ERG: variants seen among roughly 807,000 people sequenced by gnomAD.
The protein encoded by ERG is ETS transcription factor ERG.
A neutral mutation model predicts 55.3 loss-of-function variants in ERG; 9 were observed. The ratio of observed to expected loss-of-function variants is 0.16; its 90% confidence interval spans 0.10 to 0.28. The LOEUF (loss-of-function observed/expected upper bound fraction) is 0.28. Among genes scored for constraint, ERG ranks in the 10% least tolerant of loss-of-function variants. The pLI is 1.00. For missense variants in ERG, 434 were observed against 631.6 expected, an observed-to-expected ratio of 0.69 and a Z score of 3.35; for synonymous variants, 223 against 237.3, an observed-to-expected ratio of 0.94 and a Z score of 0.55.
chr21:38,632,171 C>T (rs2060360641), intron 1 of ERG, among the ~76,000 whole-genome samples: 1 of 151,968 alleles, frequency 6.6e-6, no homozygotes, highest in Admixed American at 6.6e-5. Context: ...TTTGGATAAG[C>T]TGACTAACCT....
At chr21:38,375,295 C>T (rs1375881684), downstream of ERG, among the ~76,000 whole-genome samples, 1 of 152,148 alleles carries the variant, frequency 6.6e-6, no homozygotes, top group African/African-American at 2.4e-5. Flanking sequence ...AACCCGACCT[C>T]TATGTTATGA....
chr21:38,602,422 G>A (rs1207330662), intron 1 of ERG, among the ~76,000 whole-genome samples: 1 of 152,026 alleles, frequency 6.6e-6, no homozygotes, highest in Non-Finnish European at 1.5e-5. Context: ...TCCAGCCTGG[G>A]TGACAGAGCG....
chr21:38,521,304 T>C (rs1015968108), intron 2 of ERG, among the ~76,000 whole-genome samples: 3 of 152,286 alleles, frequency 2.0e-5, no homozygotes, highest in East Asian at 1.9e-4. Flanking sequence ...TTACTAGATA[T>C]GTCGATTATT....
chr21:38,559,793 GC>G (rs1216716299), intron 2 of ERG, among the ~76,000 whole-genome samples: 3 of 152,096 alleles, frequency 2.0e-5, no homozygotes, highest in Admixed American at 6.5e-5. Flanking sequence ...GTGATTTCCT[GC>G]CTCAGTCTCC....
At chr21:38,457,813 G>C (rs1381423385) in intron 1 of ERG, among the ~76,000 whole-genome samples, 2 of 152,184 alleles carry the variant, frequency 1.3e-5, no homozygotes, top group Non-Finnish European at 1.5e-5. Flanking sequence ...AGCAGGTGGG[G>C]CCTTCCAAGT....
chr21:38,418,270 A>AGTGT (rs71184622), intron 3 of ERG, among the ~76,000 whole-genome samples: 18,417 of 130,176 alleles, frequency 0.14, 1,245 homozygotes, highest in African/African-American at 0.17. Flanking sequence ...AACATTTGGA[A>AGTGT]GTGTGTGTGT....
At chr21:38,425,396 A>C (rs1463569265) in intron 2 of ERG, among the ~76,000 whole-genome samples, 3 of 152,088 alleles carry the variant, frequency 2.0e-5, no homozygotes, top group African/African-American at 7.2e-5. Context: ...AAAAAGAAGA[A>C]AGGAAAGAAA....
intron 3 of ERG, among the ~76,000 whole-genome samples, chr21:38,414,818 C>CT (rs1989208507): frequency 6.3e-5 from 6 of 95,668 alleles, no homozygotes; most frequent in South Asian, 3.0e-4. Context: ...CTATTTTAAA[C>CT]ATTTTTTTTT....
chr21:38,462,902 CGGACCA>C (rs1303562077), intron 1 of ERG, among the ~76,000 whole-genome samples: 1 of 152,146 alleles, frequency 6.6e-6, no homozygotes, highest in African/African-American at 2.4e-5. Context: ...GCCTGTAAAG[CGGACCA>C]GGAAATGAGC....
chr21:38,580,905 C>T (rs909677073), intron 1 of ERG, among the ~76,000 whole-genome samples: 5 of 152,188 alleles, frequency 3.3e-5, no homozygotes, highest in Admixed American at 6.5e-5. Flanking sequence ...GACCCCTCGA[C>T]CCTACCCCTC....
At chr21:38,614,312 C>T (rs1472517692) in intron 1 of ERG, among the ~76,000 whole-genome samples, 2 of 152,086 alleles carry the variant, frequency 1.3e-5, no homozygotes, top group African/African-American at 2.4e-5. Context: ...ACAATGAATC[C>T]CAATGTTGTT....
intron 2 of ERG, among the ~76,000 whole-genome samples, chr21:38,559,383 CTTT>C (rs574207119): frequency 7.6e-5 from 7 of 92,068 alleles, no homozygotes; most frequent in African/African-American, 1.4e-4. Flanking sequence ...TCCCATTTCC[CTTT>C]TTTTTTTTTT....
intron 1 of ERG, among the ~76,000 whole-genome samples, chr21:38,621,931 A>G (rs752077967): frequency 1.3e-5 from 2 of 152,230 alleles, no homozygotes; most frequent in Non-Finnish European, 2.9e-5. Context: ...TGAGTACACA[A>G]GGTGCGAAGT....
chr21:38,553,900 A>G (rs2059841045), intron 2 of ERG, among the ~76,000 whole-genome samples: 1 of 152,162 alleles, frequency 6.6e-6, no homozygotes, highest in African/African-American at 2.4e-5. Context: ...GACAATGTAC[A>G]GAATAGGAGA....
intron 1 of ERG, among the ~76,000 whole-genome samples, chr21:38,595,340 A>G (rs2060124720): frequency 6.6e-6 from 1 of 152,168 alleles, no homozygotes; most frequent in Non-Finnish European, 1.5e-5. Context: ...CTCGGAATGC[A>G]AGAGACAGGG....
At chr21:38,464,569 T>C (rs1016183632) in intron 1 of ERG, among the ~76,000 whole-genome samples, 15 of 152,198 alleles carry the variant, frequency 9.9e-5, no homozygotes, top group African/African-American at 3.6e-4. Flanking sequence ...TTTTAGATAA[T>C]GCTATTTTTC....
chr21:38,519,989 CCACA>C (rs149078434), intron 2 of ERG, among the ~76,000 whole-genome samples: 2 of 151,218 alleles, frequency 1.3e-5, no homozygotes, highest in East Asian at 1.9e-4. Flanking sequence ...CCCCATGTCA[CCACA>C]CACACACACA....
upstream of ERG, among the ~76,000 whole-genome samples, chr21:38,585,811 G>C (rs934178415): frequency 6.6e-6 from 1 of 151,924 alleles, no homozygotes; most frequent in African/African-American, 2.4e-5. Flanking sequence ...TCCACCTGAA[G>C]TCTTCGAAAC....
At chr21:38,607,158 T>A (rs1260856640) in intron 1 of ERG, among the ~76,000 whole-genome samples, 1 of 152,088 alleles carries the variant, frequency 6.6e-6, no homozygotes, top group East Asian at 1.9e-4. Flanking sequence ...TGCTGGAAAA[T>A]AACTGGCAAC....
Sources: allele counts gnomAD v4.1 joint callset (sites outside exome capture counted in the v4.1 genomes callset), GRCh38; gene constraint gnomAD v4.1.1; transcripts MANE v1.5; gene names NCBI Gene and HGNC (gene_info 2026-07-23, HGNC 2026-07-21).